The following NHSL2 variants were observed in gnomAD, a reference collection of about 807,000 sequenced individuals.
The protein encoded by NHSL2 is NHS like 2.
Under a neutral mutation model 53.4 loss-of-function variants are expected in NHSL2, and 27 were observed. That is an observed-to-expected ratio of 0.51 (90% confidence interval 0.37 to 0.70). NHSL2 has a LOEUF of 0.70. Among genes scored for constraint, NHSL2 ranks in the 30% least tolerant of loss-of-function variants. The probability of loss-of-function intolerance (pLI) is 0.00; values close to 1 mark genes in which losing one functional copy is unlikely to be tolerated. For synonymous variants in NHSL2, 408 were observed against 404.1 expected (o/e 1.01, Z -0.12); for missense variants, 892 against 980.1 (o/e 0.91, Z 1.20).
intron 1 of NHSL2, among the ~76,000 whole-genome samples, chrX:72,056,552 G>GCACA (rs60731699): frequency 0.034 from 3,534 of 104,505 alleles, 168 homozygotes; most frequent in African/African-American, 0.12. Context: ...TAACGTCTGC[G>GCACA]CACACACACA....
intron 1 of NHSL2, among the ~76,000 whole-genome samples, chrX:71,931,593 T>C (rs2041713464): frequency 8.9e-6 from 1 of 112,466 alleles, no homozygotes; most frequent in Non-Finnish European, 1.9e-5. Flanking sequence ...GGATATCCAC[T>C]TGTTTTAGCG....
intron 1 of NHSL2, among the ~76,000 whole-genome samples, chrX:71,992,410 C>T (rs900723502): frequency 1.8e-5 from 2 of 111,595 alleles, no homozygotes; most frequent in Admixed American, 9.4e-5. Context: ...AAGACTGTTT[C>T]TGACTAAGCT....
At chrX:71,959,658 C>T (rs1181936188) in intron 1 of NHSL2, among the ~76,000 whole-genome samples, 4 of 111,329 alleles carry the variant, frequency 3.6e-5, no homozygotes, top group Non-Finnish European at 7.5e-5. Context: ...TACTAGGAAA[C>T]GTCTAATCTA....
chrX:71,964,043 G>GTA (rs55941930), intron 1 of NHSL2, among the ~76,000 whole-genome samples: 39,747 of 52,987 alleles, frequency 0.75, 15,212 homozygotes, highest in Non-Finnish European at 0.89. Context: ...ATATATATAT[G>GTA]TATATATATA....
chrX:72,095,165 C>T (rs2041933851), intron 1 of NHSL2, among the ~76,000 whole-genome samples: 1 of 112,291 alleles, frequency 8.9e-6, no homozygotes, highest in Non-Finnish European at 1.9e-5. Context: ...CATCCATCAG[C>T]AAGCAGGACC....
chrX:71,980,967 T>G (rs988482418), intron 1 of NHSL2, among the ~76,000 whole-genome samples: 3 of 111,748 alleles, frequency 2.7e-5, no homozygotes, highest in African/African-American at 9.8e-5. Context: ...AGAATCTACA[T>G]GCAAAAATGA....
chrX:72,019,327 C>G (rs1230027053), intron 1 of NHSL2, among the ~76,000 whole-genome samples: 1 of 112,268 alleles, frequency 8.9e-6, no homozygotes, highest in African/African-American at 3.2e-5. Context: ...CACTGTGTCA[C>G]AAGGCACTCA....
At chrX:72,050,994 G>C (rs775746229) in intron 1 of NHSL2, among the ~76,000 whole-genome samples, 21 of 111,521 alleles carry the variant, frequency 1.9e-4, no homozygotes, top group Non-Finnish European at 2.4e-4. Context: ...TTATTGTCTG[G>C]GCTGTGATGC....
rs758165561 is a variant in NHSL2, at chrX:72,131,575, G to A, written c.281-504G>A. 25 of 1,135,576 alleles carry A rather than the reference G, an allele frequency of 2.2e-5. No homozygotes were observed. The African/African-American group carries it at 3.7e-4, about 17-fold the overall frequency. 93.6% of individuals were successfully genotyped at this position (1,135,576 alleles called of 1,213,427 possible). On this transcript the variant is annotated intron_variant, in intron 1 of 7. Coordinates refer to ENST00000633930, the MANE Select transcript of NHSL2 (RefSeq NM_001013627.3). ...CCCAGGGGCCCTGGGGCTCCGTGGT[G>A]GGGAAAGGGGAACTGGAACTACGGG... is the stretch of plus-strand genomic sequence containing the variant.
intron 5 of NHSL2, 113 bp from the exon 6 acceptor site, chrX:72,138,328 C>T (rs1225773895): frequency 2.2e-5 from 12 of 555,549 alleles, no homozygotes; most frequent in Non-Finnish European, 3.4e-5. Context: ...CCAAGGAATT[C>T]TGACCAAGCT....
intron 1 of NHSL2, among the ~76,000 whole-genome samples, chrX:72,088,307 G>A (rs186880106): frequency 2.7e-5 from 3 of 111,931 alleles, no homozygotes; most frequent in East Asian, 5.6e-4. Context: ...CTTTTCTACC[G>A]GACAGAATTA....
chrX:71,991,369 G>A (rs1365621847), intron 1 of NHSL2, among the ~76,000 whole-genome samples: 2 of 112,213 alleles, frequency 1.8e-5, no homozygotes, highest in African/African-American at 6.5e-5. Flanking sequence ...CAACTCTGGC[G>A]TGGCTGGAAT....
At chrX:72,093,110 G>T (rs1227556070) in intron 1 of NHSL2, among the ~76,000 whole-genome samples, 1 of 112,709 alleles carries the variant, frequency 8.9e-6, no homozygotes, top group African/African-American at 3.2e-5. Context: ...CTAGAGATAA[G>T]TTTGGACTTC....
At position 71,963,966 on chromosome X, in the gene NHSL2, TATATATAC is replaced by T. The variant is rs1444299850; in HGVS notation, c.280+52607_280+52614del. On this transcript the variant is annotated intron_variant, in intron 1 of 7. Coordinates refer to ENST00000633930, the MANE Select transcript of NHSL2 (RefSeq NM_001013627.3). ...TGGAGTGGCTATATATATACACATA[TATATATAC>T]ATATATATATATATATATGTATATA... Among the ~76,000 whole-genome samples the T allele has an allele frequency of 5.1e-3, 31 of 6,109 alleles. 3 individuals are homozygous for T. The highest frequency in any genetic ancestry group is 9.6e-3 in the Admixed American group (2 of 209). 5.3% of individuals were successfully genotyped at this position (6,109 alleles called of 115,157 possible).
chrX:72,085,387 A>G (rs2041830189), intron 1 of NHSL2, among the ~76,000 whole-genome samples: 1 of 112,498 alleles, frequency 8.9e-6, no homozygotes. Context: ...TGCTTTCAGA[A>G]ATAGATATAT....
At chrX:71,931,302 C>G (rs1014828874) in intron 1 of NHSL2, among the ~76,000 whole-genome samples, 1 of 112,431 alleles carries the variant, frequency 8.9e-6, no homozygotes, top group Non-Finnish European at 1.9e-5. Context: ...TATTTTCTCT[C>G]ATTCTGTGAG....
At chrX:72,093,777 T>C (rs967317535) in intron 1 of NHSL2, among the ~76,000 whole-genome samples, 2 of 108,825 alleles carry the variant, frequency 1.8e-5, no homozygotes, top group African/African-American at 6.7e-5. Context: ...TTTCTTTCTT[T>C]CTTTTCCTTT....
chrX:71,964,031 A>ATATATG (rs1473880519), intron 1 of NHSL2, among the ~76,000 whole-genome samples: 4 of 40,250 alleles, frequency 9.9e-5, no homozygotes, highest in East Asian at 6.5e-4. Context: ...ATATGTGTAT[A>ATATATG]TATATATATA....
chrX:71,972,488 A>G (rs2041929648), intron 1 of NHSL2, among the ~76,000 whole-genome samples: 1 of 112,279 alleles, frequency 8.9e-6, no homozygotes, highest in Admixed American at 9.4e-5. Context: ...AATCTTATTG[A>G]GGTTTCCTTG....
Sources: gnomAD v4.1 joint callset for allele counts (sites outside exome capture counted in the v4.1 genomes callset) on GRCh38, gnomAD v4.1.1 for gene constraint, MANE v1.5 for transcripts, NCBI Gene and HGNC (gene_info 2026-07-23, HGNC 2026-07-21) for gene names.